The following PRICKLE4 variants were observed in gnomAD, a reference collection of about 807,000 sequenced individuals.
The protein encoded by PRICKLE4 is prickle-like protein 4.
In PRICKLE4, 40 loss-of-function variants were observed where a neutral mutation model predicts 43.5. The ratio of observed to expected loss-of-function variants is 0.92; its 90% confidence interval spans 0.71 to 1.20. The LOEUF is 1.20. Among genes scored for constraint, PRICKLE4 ranks in the 50% most tolerant of loss-of-function variants. The pLI is 0.00. For synonymous variants in PRICKLE4, 208 were observed against 197.4 expected, an observed-to-expected ratio of 1.05 and a Z score of -0.45; for missense variants, 527 against 491.2, an observed-to-expected ratio of 1.07 and a Z score of -0.69.
In PRICKLE4 at chr6:41,787,113, A is replaced by T. The variant is rs1581980779; in HGVS notation, c.1139A>T (p.His380Leu). 4 of 1,606,738 alleles carry T rather than the reference A, an allele frequency of 2.5e-6. No individual in the cohort carries two copies. The South Asian group carries it at 3.3e-5, about 13-fold the overall frequency. Reference sequence around the variant, plus strand: ...GAGGACAGCAACGCCTCTAAGACGCACTGCACCATGTGCTAGTGGCGCAGC... The same window carrying T: ...GAGGACAGCAACGCCTCTAAGACGCTCTGCACCATGTGCTAGTGGCGCAGC... ...QAEDSNASKTHCTMC is the reference protein window; with the variant it reads ...QAEDSNASKTLCTMC The change falls in exon 8 of 8, where the codon CAC becomes CTC. Residue 380 changes from histidine (H) to leucine (L), a missense_variant. Physicochemically the swap from His to Leu is moderately conservative, Grantham distance 99. Transcript: ENST00000458694.
Position 41,785,401 on chromosome 6 carries a change from G to T in PRICKLE4, c.443G>T (p.Cys148Phe). 1 of 1,614,140 alleles carries T rather than the reference G, an allele frequency of 6.2e-7. No individual in the cohort carries two copies. Reference sequence around the variant, plus strand: ...GCAGCCCGGGCAGGGGAACAGCGCTGCTGGCACCAGCCTTGCTTTGCCTGC... The same window carrying T: ...GCAGCCCGGGCAGGGGAACAGCGCTTCTGGCACCAGCCTTGCTTTGCCTGC... Reference protein sequence around the residue: ...VFAARAGEQRCWHQPCFACQA... With the variant: ...VFAARAGEQRFWHQPCFACQA... Residue 148 changes from cysteine to phenylalanine, a missense_variant, in exon 6 of 8, where the codon TGC becomes TTC. Transcript: ENST00000458694.
Position 41,787,045 on chromosome 6 carries a change from G to A in PRICKLE4, c.1071G>A (p.Glu357=). ...DSEPEGFFLG[E]RLPQSWKTPG... ...AACCTGAAGGATTTTTCTTAGGCGA[G>A]CGCCTTCCCCAGTCCTGGAAGACCC... The change falls in exon 8 of 8, where the codon GAG becomes GAA. Residue 357 remains glutamate, a synonymous_variant. Transcript: ENST00000458694. 6.2e-7 allele frequency: 1 copy of A among 1,613,818 alleles called. No homozygotes were observed. Among genetic ancestry groups the A allele is most frequent in the Non-Finnish European group, 8.5e-7 (1 of 1,179,998 alleles).
chr6:41,787,361 G>A lies in PRICKLE4; in HGVS notation c.*232G>A. 3.0e-6 allele frequency: 2 copies of A among 669,062 alleles called. No individual in the cohort carries two copies. Among genetic ancestry groups the A allele is most frequent in the Middle Eastern group, 4.1e-4 (1 of 2,418 alleles). The allele number at this position is 669,062 out of a possible 1,614,324, so 41.4% of individuals were successfully genotyped here. ...TCCCCAAAGCTACGCTTCCCCTGCT[G>A]AGATAGCCCCTACCCCCACCTCCAC... On this transcript the variant is annotated 3_prime_UTR_variant, in exon 8 of 8. Coordinates refer to ENST00000458694, the MANE Select transcript of PRICKLE4 (RefSeq NM_013397.6).
Position 41,787,419 on chromosome 6 carries a change from T to C in PRICKLE4, c.*290T>C, listed in dbSNP as rs1581981053. Reference sequence around the variant, plus strand: ...GACAGCCCCGTCCCCACCATCCTCCTCCCAAGCCAATTAAATGATCACAGC... The same window carrying C: ...GACAGCCCCGTCCCCACCATCCTCCCCCCAAGCCAATTAAATGATCACAGC... On this transcript the variant is annotated 3_prime_UTR_variant, in exon 8 of 8. Coordinates refer to ENST00000458694, the MANE Select transcript of PRICKLE4 (RefSeq NM_013397.6). 1 of 610,444 alleles carries C rather than the reference T, an allele frequency of 1.6e-6. No individual in the cohort carries two copies. Among genetic ancestry groups the C allele is most frequent in the East Asian group, 2.9e-5 (1 of 34,546 alleles). The allele number at this position is 610,444 out of a possible 1,614,324, so 37.8% of individuals were successfully genotyped here.
rs1772680282 is a variant in PRICKLE4, at chr6:41,787,217, A to T, written c.*88A>T. 7 of 1,471,706 alleles carry T rather than the reference A, an allele frequency of 4.8e-6. No homozygotes were observed. The highest frequency in any genetic ancestry group is 5.4e-6 in the Non-Finnish European group (6 of 1,117,446). The allele number at this position is 1,471,706 out of a possible 1,614,324, so 91.2% of individuals were successfully genotyped here. On this transcript the variant is annotated 3_prime_UTR_variant, in exon 8 of 8. Coordinates refer to ENST00000458694, the MANE Select transcript of PRICKLE4 (RefSeq NM_013397.6). ...GCTAGCCTCCCCCTAACAATCCTAG[A>T]CTGAGACGCAGTCAGGCGCACGCCC... is the stretch of plus-strand genomic sequence containing the variant.
intron 5 of PRICKLE4, 28 bp from the exon 6 acceptor site, chr6:41,785,309 G>A (rs754503911): frequency 2.7e-5 from 44 of 1,607,406 alleles, no homozygotes; most frequent in Middle Eastern, 3.5e-4. Flanking sequence ...TGCTTACTCC[G>A]ACCACCTCAG....
At position 41,786,292 on chromosome 6, in the gene PRICKLE4, C is replaced by A; in HGVS notation, c.747C>A (p.Gly249=). 1 of 1,586,390 alleles carries A rather than the reference C, an allele frequency of 6.3e-7. No individual in the cohort carries two copies. Among genetic ancestry groups the A allele is most frequent in the South Asian group, 1.1e-5 (1 of 88,398 alleles). ...TCGAGAACCGCTACTCGGATGCAGG[C>A]TCGAGCTGGGCCGGGGCACTGGAAG... is the stretch of plus-strand genomic sequence containing the variant. ...SCFENRYSDA[G]SSWAGALEGQ... The change falls in exon 7 of 8, where the codon GGC becomes GGA. Residue 249 remains glycine (G), a synonymous_variant. Transcript: ENST00000458694.
In PRICKLE4 at chr6:41,786,467, C is replaced by T. The variant is rs558239520; in HGVS notation, c.787+135C>T. ...GCGCCCCCACCGCACCCCCCAGACCCAAGCCTCGGGGCCCGCAGCTCTCAC... is the reference window on the plus strand; with the variant it reads ...GCGCCCCCACCGCACCCCCCAGACCTAAGCCTCGGGGCCCGCAGCTCTCAC... On this transcript the variant is annotated intron_variant, in intron 7 of 7. Coordinates refer to ENST00000458694, the MANE Select transcript of PRICKLE4 (RefSeq NM_013397.6). 5,149 of 1,144,040 alleles carry T rather than the reference C, an allele frequency of 4.5e-3. 11 individuals carry two copies. The highest frequency in any genetic ancestry group is 5.6e-3 in the Non-Finnish European group (4,439 of 793,440). The allele number at this position is 1,144,040 out of a possible 1,614,324, so 70.9% of individuals were successfully genotyped here.
chr6:41,786,669 C>T (rs1333838089), intron 7 of PRICKLE4, 93 bp from the exon 8 acceptor site: 2 of 1,579,800 alleles, frequency 1.3e-6, no homozygotes, highest in Non-Finnish European at 1.7e-6. Flanking sequence ...AGGGGCTGGG[C>T]GGGGCGGGAG....
At position 41,786,891 on chromosome 6, in the gene PRICKLE4, G is replaced by C; in HGVS notation, c.917G>C (p.Ser306Thr). The C allele has an allele frequency of 6.2e-7, 1 of 1,611,044 alleles. No homozygotes were observed. Among genetic ancestry groups the C allele is most frequent in the East Asian group, 2.2e-5 (1 of 44,854 alleles). ...LQTQRGLPGS[S>T]PQQENRPGDK... ...ACTCAGAGGGGGCTGCCTGGATCCA[G>C]TCCCCAGCAGGAGAACCGACCTGGG... Residue 306 changes from serine to threonine, a missense_variant, in exon 8 of 8, where the codon AGT (serine) becomes ACT (threonine). Ser to Thr is a moderately conservative substitution (Grantham distance 58, BLOSUM62 1). Coordinates refer to ENST00000458694, the MANE Select transcript of PRICKLE4 (RefSeq NM_013397.6).
At position 41,785,010 on chromosome 6, in the gene PRICKLE4, G is replaced by A; in HGVS notation, c.316G>A (p.Ala106Thr). Residue 106 changes from alanine (A) to threonine (T), a missense_variant, in exon 5 of 8, where the codon GCC (alanine) becomes ACC (threonine). By Grantham distance (58) the Ala-to-Thr change is moderately conservative. Coordinates refer to ENST00000458694, the MANE Select transcript of PRICKLE4 (RefSeq NM_013397.6). ...CTTCTGTGCCAGGCGGAAGCAGGAA[G>A]CCCTGGGACAGGGGGTAGCCCGCCT... ...QLFCARRKQE[A>T]LGQGVARLVL... 3.7e-6 allele frequency: 6 copies of A among 1,613,810 alleles called. No homozygotes were observed. Among genetic ancestry groups the A allele is most frequent in the Non-Finnish European group, 5.1e-6 (6 of 1,179,890 alleles).
Position 41,786,924 on chromosome 6 carries a change from C to A in PRICKLE4, c.950C>A (p.Ala317Glu). ...PQQENRPGDK[A>E]EAPKGQEQCR... ...CAGGAGAACCGACCTGGGGACAAAG[C>A]GGAGGCACCCAAAGGGCAGGAGCAA... Residue 317 changes from alanine (A) to glutamate (E), a missense_variant, in exon 8 of 8, where the codon GCG becomes GAG. Physicochemically the swap from Ala to Glu is moderately radical, Grantham distance 107. Coordinates refer to ENST00000458694, the MANE Select transcript of PRICKLE4 (RefSeq NM_013397.6). 2 of 1,613,610 alleles carry A rather than the reference C, an allele frequency of 1.2e-6. No individual in the cohort carries two copies. The highest frequency in any genetic ancestry group is 1.7e-4 in the Middle Eastern group (1 of 6,060).
rs974979194 is a variant in PRICKLE4 at position 41,786,949 on chromosome 6, A to G, written c.975A>G (p.Gln325=). The change falls in exon 8 of 8, where the codon CAA becomes CAG. Residue 325 remains glutamine, a synonymous_variant. Transcript: ENST00000458694. Reference sequence around the variant, plus strand: ...CGGAGGCACCCAAAGGGCAGGAGCAATGCCGCCTGGAGACTATTCGTGATC... The same window carrying G: ...CGGAGGCACCCAAAGGGCAGGAGCAGTGCCGCCTGGAGACTATTCGTGATC... ...DKAEAPKGQE[Q]CRLETIRDPK... is the part of the protein sequence containing the mutation. 3.7e-6 allele frequency: 6 copies of G among 1,613,936 alleles called. No homozygotes were observed. Among genetic ancestry groups the G allele is most frequent in the East Asian group, 4.5e-5 (2 of 44,870 alleles).
rs1772684250 is a variant in PRICKLE4 at position 41,787,370 on chromosome 6, C to G, written c.*241C>G. 1 of 639,102 alleles carries G rather than the reference C, an allele frequency of 1.6e-6. No individual in the cohort carries two copies. The highest frequency in any genetic ancestry group is 2.6e-6 in the Non-Finnish European group (1 of 383,266). 39.6% of individuals were successfully genotyped at this position (639,102 alleles called of 1,614,324 possible). ...CTACGCTTCCCCTGCTGAGATAGCC[C>G]CTACCCCCACCTCCACAGGCTGGGA... is the stretch of plus-strand genomic sequence containing the variant. On this transcript the variant is annotated 3_prime_UTR_variant, in exon 8 of 8. Transcript: ENST00000458694.
chr6:41,787,048 C>T lies in PRICKLE4; in HGVS notation c.1074C>T (p.Arg358=). The change falls in exon 8 of 8, where the codon CGC becomes CGT. Residue 358 remains arginine, a synonymous_variant. Transcript: ENST00000458694. ...SEPEGFFLGE[R]LPQSWKTPGS... Reference sequence around the variant, plus strand: ...CTGAAGGATTTTTCTTAGGCGAGCGCCTTCCCCAGTCCTGGAAGACCCCCG... The same window carrying T: ...CTGAAGGATTTTTCTTAGGCGAGCGTCTTCCCCAGTCCTGGAAGACCCCCG... 6.2e-7 allele frequency: 1 copy of T among 1,613,890 alleles called. No homozygotes were observed. The highest frequency in any genetic ancestry group is 8.5e-7 in the Non-Finnish European group (1 of 1,180,026).
chr6:41,782,927 G>A (rs757641216), intron 2 of PRICKLE4, among the ~76,000 whole-genome samples: 1 of 152,146 alleles, frequency 6.6e-6, no homozygotes, highest in Non-Finnish European at 1.5e-5. Flanking sequence ...GGAGCTCAGG[G>A]AAGGGAGAGC....
In PRICKLE4 at chr6:41,787,156, G is replaced by C; in HGVS notation, c.*27G>C. 1 of 1,572,808 alleles carries C rather than the reference G, an allele frequency of 6.4e-7. No individual in the cohort carries two copies. On this transcript the variant is annotated 3_prime_UTR_variant, in exon 8 of 8. Coordinates refer to ENST00000458694, the MANE Select transcript of PRICKLE4 (RefSeq NM_013397.6). Reference sequence around the variant, plus strand: ...GGCGCAGCTCAGAGAGGGGATGTGAGTGGGAGGAAAGGGGTCTGTAAAGCG... The same window carrying C: ...GGCGCAGCTCAGAGAGGGGATGTGACTGGGAGGAAAGGGGTCTGTAAAGCG...
At chr6:41,784,762 C>T (rs1772611966) in intron 4 of PRICKLE4, 173 bp from the exon 5 acceptor site, 1 of 822,120 alleles carries the variant, frequency 1.2e-6, no homozygotes, top group East Asian at 2.6e-5. Context: ...ACTGAGGTGG[C>T]TTTCTTGAGC....
At chr6:41,783,183 C>T (rs554904279) in intron 2 of PRICKLE4, among the ~76,000 whole-genome samples, 1 of 152,284 alleles carries the variant, frequency 6.6e-6, no homozygotes, top group East Asian at 1.9e-4. Flanking sequence ...CTCTTACCTC[C>T]ATCCTGATCT....
Sources: gnomAD v4.1 joint callset for allele counts (sites outside exome capture counted in the v4.1 genomes callset) on GRCh38, gnomAD v4.1.1 for gene constraint, MANE v1.5 for transcripts, NCBI Gene and HGNC (gene_info 2026-07-23, HGNC 2026-07-21) for gene names.